ARHGAP6: variants seen among roughly 807,000 people sequenced by gnomAD.
The protein encoded by ARHGAP6 is rho GTPase-activating protein 6.
ARHGAP6 carries 16 observed loss-of-function variants against 55.7 expected under a neutral mutation model. That is an observed-to-expected ratio of 0.29 (90% CI 0.19 to 0.44). ARHGAP6 has a LOEUF of 0.44. Ranked by LOEUF, ARHGAP6 falls within the 20% of genes least tolerant of loss-of-function variation. ARHGAP6 has a pLI of 1.00. For synonymous variants in ARHGAP6, 382 were observed against 360.9 expected (o/e 1.06, Z -0.66); for missense variants, 698 against 808.9 (o/e 0.86, Z 1.66).
chrX:11,324,937 C>T (rs1211377589), intron 1 of ARHGAP6, among the ~76,000 whole-genome samples: 4 of 112,192 alleles, frequency 3.6e-5, no homozygotes, highest in South Asian at 3.7e-4. Context: ...CGACTCACTG[C>T]AAGCTCCGCT....
chrX:11,401,267 G>A (rs1429390869), intron 1 of ARHGAP6, among the ~76,000 whole-genome samples: 1 of 111,917 alleles, frequency 8.9e-6, no homozygotes, highest in Non-Finnish European at 1.9e-5. Flanking sequence ...ATCACCTTGA[G>A]TTCAAGTAGT....
chrX:11,219,457 C>T (rs1191534713), intron 2 of ARHGAP6, among the ~76,000 whole-genome samples: 2 of 98,942 alleles, frequency 2.0e-5, no homozygotes, highest in Non-Finnish European at 4.1e-5. Context: ...CCTGAGGAAT[C>T]GCCACACTGA....
chrX:11,258,923 T>C (rs1363928666), intron 1 of ARHGAP6, among the ~76,000 whole-genome samples: 1 of 111,855 alleles, frequency 8.9e-6, no homozygotes, highest in African/African-American at 3.3e-5. Context: ...AGGCAATGCA[T>C]AATAATCATC....
chrX:11,436,916 T>C (rs987585204), intron 1 of ARHGAP6, among the ~76,000 whole-genome samples: 2 of 110,560 alleles, frequency 1.8e-5, no homozygotes, highest in Non-Finnish European at 3.8e-5. Flanking sequence ...AAGGGTACAG[T>C]GTTTCTTTAC....
chrX:11,491,367 C>T (rs994342740), intron 1 of ARHGAP6, among the ~76,000 whole-genome samples: 2 of 109,842 alleles, frequency 1.8e-5, no homozygotes, highest in African/African-American at 6.6e-5. Context: ...TCCCCACTCC[C>T]CCCACCCCAC....
intron 1 of ARHGAP6, among the ~76,000 whole-genome samples, chrX:11,642,299 T>G (rs1343805755): frequency 9.0e-6 from 1 of 111,472 alleles, no homozygotes; most frequent in Non-Finnish European, 1.9e-5. Context: ...GAATGATTAC[T>G]CATAACATGT....
chrX:11,517,008 C>G (rs1054967516), intron 1 of ARHGAP6, among the ~76,000 whole-genome samples: 3 of 111,957 alleles, frequency 2.7e-5, no homozygotes, highest in Admixed American at 9.6e-5. Context: ...CTCCAGAACT[C>G]AAAATCCATG....
At chrX:11,180,995 A>G (rs1183037479) in intron 6 of ARHGAP6, among the ~76,000 whole-genome samples, 3 of 112,557 alleles carry the variant, frequency 2.7e-5, no homozygotes, top group African/African-American at 9.7e-5. Flanking sequence ...CTTAATCTCT[A>G]TAAGCCTTGA....
chrX:11,273,254 G>T (rs2047713284), intron 1 of ARHGAP6, among the ~76,000 whole-genome samples: 1 of 110,230 alleles, frequency 9.1e-6, no homozygotes, highest in Non-Finnish European at 1.9e-5. Context: ...TTTGAAAACA[G>T]TTACAAAAAA....
At chrX:11,579,788 G>T (rs1457227228) in intron 1 of ARHGAP6, among the ~76,000 whole-genome samples, 1 of 111,885 alleles carries the variant, frequency 8.9e-6, no homozygotes, top group African/African-American at 3.2e-5. Context: ...CGAAGGAGAT[G>T]ACTTCATCTG....
chrX:11,391,702 C>A (rs1421972121), intron 1 of ARHGAP6, among the ~76,000 whole-genome samples: 2 of 112,161 alleles, frequency 1.8e-5, no homozygotes, highest in Admixed American at 1.9e-4. Flanking sequence ...CCAAGGCAGG[C>A]TTCTTCCCAG....
intron 1 of ARHGAP6, chrX:11,300,599 T>C: frequency 8.4e-7 from 1 of 1,194,467 alleles, no homozygotes; most frequent in Non-Finnish European, 1.1e-6. Context: ...TTTTGCAATT[T>C]TTTTCAGGAT....
At chrX:11,215,662 A>G (rs780979240) in intron 2 of ARHGAP6, among the ~76,000 whole-genome samples, 1 of 113,063 alleles carries the variant, frequency 8.8e-6, no homozygotes, top group Admixed American at 9.3e-5. Flanking sequence ...CAGGAAGCTC[A>G]TGGAGAAGCC....
At chrX:11,375,826 T>C (rs904361469) in intron 1 of ARHGAP6, among the ~76,000 whole-genome samples, 8 of 111,630 alleles carry the variant, frequency 7.2e-5, no homozygotes, top group Admixed American at 3.8e-4. Context: ...GAAAAAGAGA[T>C]TGACTCAATG....
At chrX:11,660,573 A>C (rs1156835980) in intron 1 of ARHGAP6, among the ~76,000 whole-genome samples, 3 of 93,233 alleles carry the variant, frequency 3.2e-5, no homozygotes, top group Non-Finnish European at 4.3e-5. Flanking sequence ...AAAAAAAAAA[A>C]AAAAACCCAA....
chrX:11,427,929 GC>G (rs1401225313), intron 1 of ARHGAP6: 5 of 402,267 alleles, frequency 1.2e-5, no homozygotes, highest in Non-Finnish European at 1.6e-5. Context: ...GGTCCCTCCG[GC>G]GGCCGCCGCC....
intron 1 of ARHGAP6, among the ~76,000 whole-genome samples, chrX:11,531,699 C>T (rs2051051561): frequency 9.0e-6 from 1 of 111,620 alleles, no homozygotes; most frequent in African/African-American, 3.3e-5. Flanking sequence ...TATTATAATC[C>T]ATAGCTATCC....
intron 2 of ARHGAP6, among the ~76,000 whole-genome samples, chrX:11,237,257 A>T (rs1321105073): frequency 1.8e-5 from 2 of 112,482 alleles, no homozygotes; most frequent in Non-Finnish European, 3.8e-5. Context: ...TCTGCTGGGG[A>T]CAAAGACCTC....
At chrX:11,243,793 C>CAGGA (rs2047317215) in intron 2 of ARHGAP6, among the ~76,000 whole-genome samples, 3 of 112,119 alleles carry the variant, frequency 2.7e-5, no homozygotes, top group Non-Finnish European at 5.6e-5. Context: ...TATGCCTTTT[C>CAGGA]TATGTTTAGA....
Sources: allele counts gnomAD v4.1 joint callset (sites outside exome capture counted in the v4.1 genomes callset), GRCh38; gene constraint gnomAD v4.1.1; transcripts MANE v1.5; gene names NCBI Gene and HGNC (gene_info 2026-07-23, HGNC 2026-07-21).